Variants in NELL1 observed in about 807,000 individuals in gnomAD.
NELL1 encodes the protein neural EGFL like 1, also known as protein kinase C-binding protein NELL1.
Under a neutral mutation model 107.4 loss-of-function variants are expected in NELL1, and 76 were observed. The observed-to-expected ratio is 0.71, with a 90% CI of 0.59 to 0.86. The LOEUF is 0.86. NELL1 is among the 40% of genes least tolerant of loss of function. The probability of loss-of-function intolerance (pLI) is 0.00; values close to 1 mark genes in which losing one functional copy is unlikely to be tolerated. For synonymous variants in NELL1, 353 were observed against 341.2 expected, an observed-to-expected ratio of 1.03 and a Z score of -0.38; for missense variants, 1,024 against 1,005.5, an observed-to-expected ratio of 1.02 and a Z score of -0.25.
chr11:21,409,887 CA>C (rs1220401704), intron 15 of NELL1, among the ~76,000 whole-genome samples: 3 of 150,440 alleles, frequency 2.0e-5, no homozygotes, highest in Non-Finnish European at 4.4e-5. Context: ...GATGAGAAAA[CA>C]AAAAATGAAA....
At position 21,033,891 on chromosome 11, in the gene NELL1, G is replaced by A. The variant is rs145501573; in HGVS notation, c.1300+73331G>A. Among the ~76,000 whole-genome samples, 333 of 151,988 alleles carry A rather than the reference G, an allele frequency of 2.2e-3. 3 individuals are homozygous for A. Among genetic ancestry groups the A allele is most frequent in the African/African-American group, 7.8e-3 (323 of 41,468 alleles). On this transcript the variant is annotated intron_variant, in intron 12 of 19. Transcript: ENST00000357134. ...AGCATTCCTTTTTCTCCACAACCTC[G>A]CCAGCATCTGTTGTTTTTTGGACTT... is the stretch of plus-strand genomic sequence containing the variant.
intron 13 of NELL1, chr11:21,169,844 C>T (rs1856564424): frequency 2.8e-6 from 4 of 1,414,242 alleles, no homozygotes; most frequent in Non-Finnish European, 4.0e-6. Context: ...TGCTTGCACC[C>T]CAGAGTCCCC....
At chr11:20,973,788 A>G (rs1851549832) in intron 12 of NELL1, among the ~76,000 whole-genome samples, 1 of 152,224 alleles carries the variant, frequency 6.6e-6, no homozygotes, top group African/African-American at 2.4e-5. Context: ...AGGAGCTGCT[A>G]TAGAGATTCA....
chr11:20,814,747 T>C (rs1451542832), intron 3 of NELL1, among the ~76,000 whole-genome samples: 1 of 152,246 alleles, frequency 6.6e-6, no homozygotes, highest in East Asian at 1.9e-4. Flanking sequence ...TTGTGACTAG[T>C]GCTGTAATAA....
At chr11:20,817,521 TCTC>T (rs1330122410) in intron 3 of NELL1, among the ~76,000 whole-genome samples, 1 of 152,074 alleles carries the variant, frequency 6.6e-6, no homozygotes, top group East Asian at 1.9e-4. Context: ...ATTTGGATCT[TCTC>T]TTTTTTTTCC....
intron 3 of NELL1, among the ~76,000 whole-genome samples, chr11:20,797,256 T>C (rs1774936481): frequency 1.3e-5 from 2 of 151,842 alleles, no homozygotes; most frequent in African/African-American, 2.4e-5. Flanking sequence ...GGGGGCAAAA[T>C]TGGAGACATA....
chr11:21,302,207 A>G lies in NELL1; in HGVS notation c.1550-68646A>G, dbSNP rs190120926. 3.3e-5 allele frequency among the ~76,000 whole-genome samples: 5 copies of G among 152,148 alleles called. No homozygotes were observed. In the East Asian group the frequency reaches 9.7e-4, roughly 29 times the overall value. ...GTTCCATATGTTGTTGACTGGAATT[A>G]TATGTGAGGTTGCAGTCAGATAGAA... On this transcript the variant is annotated intron_variant, in intron 14 of 19. Coordinates refer to ENST00000357134, the MANE Select transcript of NELL1 (RefSeq NM_006157.5).
At chr11:21,096,141 C>T (rs1028745050) in intron 12 of NELL1, among the ~76,000 whole-genome samples, 6 of 152,162 alleles carry the variant, frequency 3.9e-5, no homozygotes, top group African/African-American at 1.4e-4. Context: ...TTGCCCACTA[C>T]CCAGATCACC....
chr11:21,070,877 C>A (rs771797563), intron 12 of NELL1, among the ~76,000 whole-genome samples: 2 of 152,068 alleles, frequency 1.3e-5, no homozygotes, highest in African/African-American at 4.8e-5. Flanking sequence ...CTTGCCAGAT[C>A]GAAAATATCA....
At chr11:21,028,614 T>C (rs542530046) in intron 12 of NELL1, among the ~76,000 whole-genome samples, 3 of 152,310 alleles carry the variant, frequency 2.0e-5, no homozygotes, top group South Asian at 4.1e-4. Context: ...TCTCCCATTT[T>C]CCCCTATCAG....
chr11:21,172,922 C>G (rs201144037), intron 13 of NELL1, among the ~76,000 whole-genome samples: 32 of 149,232 alleles, frequency 2.1e-4, no homozygotes, highest in Admixed American at 7.3e-4. Flanking sequence ...GTGTGTCTGT[C>G]TGTGTGTGTG....
At chr11:21,079,651 CAA>C (rs1854219365) in intron 12 of NELL1, among the ~76,000 whole-genome samples, 2 of 151,942 alleles carry the variant, frequency 1.3e-5, no homozygotes, top group South Asian at 4.1e-4. Flanking sequence ...ACATGAGTAA[CAA>C]ATTATTTAGA....
At chr11:21,017,954 C>G in intron 12 of NELL1, among the ~76,000 whole-genome samples, 1 of 151,980 alleles carries the variant, frequency 6.6e-6, no homozygotes, top group Non-Finnish European at 1.5e-5. Flanking sequence ...AAAAGGAACC[C>G]AAAACTTGCT....
At chr11:21,176,233 C>T (rs1441226217) in intron 13 of NELL1, among the ~76,000 whole-genome samples, 4 of 151,976 alleles carry the variant, frequency 2.6e-5, no homozygotes, top group African/African-American at 2.4e-5. Flanking sequence ...CTTTCTGAAC[C>T]ATCCTGCTCA....
rs1305679073 is a variant in NELL1 at position 21,273,285 on chromosome 11, C to T, written c.1549+43831C>T. On this transcript the variant is annotated intron_variant, in intron 14 of 19. Coordinates refer to ENST00000357134, the MANE Select transcript of NELL1 (RefSeq NM_006157.5). ...AAGCCTCAGTAGCTGATTCAGTCAA[C>T]TGCAAGAAAGGGTATCAGTGATGGA... is the stretch of plus-strand genomic sequence containing the variant. Among the ~76,000 whole-genome samples the T allele has an allele frequency of 4.6e-5, 7 of 152,112 alleles. No individual in the cohort carries two copies. In the East Asian group the frequency reaches 1.3e-3, roughly 29 times the overall value.
intron 15 of NELL1, among the ~76,000 whole-genome samples, chr11:21,464,877 A>G (rs1266115768): frequency 6.6e-6 from 1 of 152,160 alleles, no homozygotes; most frequent in East Asian, 1.9e-4. Context: ...AAGAAATATG[A>G]CGTTTTAGAA....
chr11:21,184,459 GGGGTTTC>G (rs1856891512), intron 13 of NELL1, among the ~76,000 whole-genome samples: 1 of 151,612 alleles, frequency 6.6e-6, no homozygotes. Flanking sequence ...TAGTAGAGAT[GGGGTTTC>G]GCAATGTTGG....
intron 15 of NELL1, among the ~76,000 whole-genome samples, chr11:21,509,226 T>C (rs1296965916): frequency 1.3e-5 from 2 of 152,164 alleles, no homozygotes; most frequent in African/African-American, 4.8e-5. Context: ...ATAGCGACTA[T>C]TGACAAAGCA....
At chr11:20,698,236 T>C (rs1414972971) in intron 2 of NELL1, among the ~76,000 whole-genome samples, 1 of 152,210 alleles carries the variant, frequency 6.6e-6, no homozygotes, top group South Asian at 2.1e-4. Context: ...AATCTCTCTC[T>C]GGGGCAAATT....
Sources: allele counts gnomAD v4.1 joint callset (sites outside exome capture counted in the v4.1 genomes callset), GRCh38; gene constraint gnomAD v4.1.1; transcripts MANE v1.5; gene names NCBI Gene and HGNC (gene_info 2026-07-23, HGNC 2026-07-21).